Variants in MARCHF6 observed in about 807,000 individuals in gnomAD.
The protein encoded by MARCHF6 is E3 ubiquitin-protein ligase MARCHF6.
In MARCHF6, 31 loss-of-function variants were observed where a neutral mutation model predicts 133.7. That is an observed-to-expected ratio of 0.23 (90% confidence interval 0.17 to 0.31). MARCHF6 has a LOEUF of 0.31. MARCHF6 is among the 10% of genes least tolerant of loss of function. The pLI is 1.00. For missense variants in MARCHF6, 723 were observed against 1,121.6 expected (o/e 0.64, Z 5.08); for synonymous variants, 395 against 402.5 (o/e 0.98, Z 0.22).
intron 3 of MARCHF6, 117 bp from the exon 4 acceptor site, chr5:10,381,683 G>GA (rs1379078035): frequency 2.6e-6 from 2 of 759,798 alleles, no homozygotes; most frequent in Non-Finnish European, 4.0e-6. Context: ...TTTTAAATAG[G>GA]AAAAAAATTA....
intron 15 of MARCHF6, among the ~76,000 whole-genome samples, chr5:10,404,538 A>G (rs557432576): frequency 6.6e-6 from 1 of 152,342 alleles, no homozygotes; most frequent in East Asian, 1.9e-4. Flanking sequence ...GTGAGAAACA[A>G]AGGCACAATT....
chr5:10,440,113 C>T lies in MARCHF6; in HGVS notation c.*6429C>T, dbSNP rs1170237719. 6.6e-6 allele frequency: 1 copy of T among 152,116 alleles called. No individual in the cohort carries two copies. The highest frequency in any genetic ancestry group is 1.5e-5 in the Non-Finnish European group (1 of 68,030). The allele number at this position is 152,116 out of a possible 1,614,324, so 9.4% of individuals were successfully genotyped here. ...GTTGTTTATATTTGCATGTTGTTTC[C>T]CACTTGAATGTAAGCTCCAAAGATT... On this transcript the variant is annotated 3_prime_UTR_variant, in exon 26 of 26. Coordinates refer to ENST00000274140, the MANE Select transcript of MARCHF6 (RefSeq NM_005885.4).
At chr5:10,376,180 T>A (rs1346077937) in intron 1 of MARCHF6, among the ~76,000 whole-genome samples, 1 of 152,200 alleles carries the variant, frequency 6.6e-6, no homozygotes, top group Non-Finnish European at 1.5e-5. Context: ...ATCTTGCTAC[T>A]GCTCACTCTT....
rs566486882 is a variant in MARCHF6 at position 10,436,335 on chromosome 5, A to G, written c.*2651A>G. 1 of 152,282 alleles carries G rather than the reference A, an allele frequency of 6.6e-6. No individual in the cohort carries two copies. Among genetic ancestry groups the G allele is most frequent in the South Asian group, 2.1e-4 (1 of 4,818 alleles). The allele number at this position is 152,282 out of a possible 1,614,324, so 9.4% of individuals were successfully genotyped here. On this transcript the variant is annotated 3_prime_UTR_variant, in exon 26 of 26. Transcript: ENST00000274140. ...ACTTTATCGTGTTGTTTTCAATGAG[A>G]TAAGTATTTTCATAGGGAAAGCATT... is the stretch of plus-strand genomic sequence containing the variant.
chr5:10,363,248 G>A (rs1735932084), intron 1 of MARCHF6, among the ~76,000 whole-genome samples: 1 of 152,110 alleles, frequency 6.6e-6, no homozygotes, highest in Admixed American at 6.5e-5. Flanking sequence ...ACAGAATGAA[G>A]ACAGGATACA....
intron 1 of MARCHF6, among the ~76,000 whole-genome samples, chr5:10,371,022 C>T (rs1736434074): frequency 6.6e-6 from 1 of 152,152 alleles, no homozygotes; most frequent in Non-Finnish European, 1.5e-5. Context: ...ATGATAAGGT[C>T]AAAAGGAGAG....
At chr5:10,381,697 A>G (rs1737156632) in intron 3 of MARCHF6, 103 bp from the exon 4 acceptor site, 6 of 885,550 alleles carry the variant, frequency 6.8e-6, no homozygotes, top group Non-Finnish European at 8.4e-6. Flanking sequence ...AAAATTAAGC[A>G]CAAGGCAAAT....
At chr5:10,387,721 G>C (rs1356831721) in intron 5 of MARCHF6, among the ~76,000 whole-genome samples, 2 of 151,898 alleles carry the variant, frequency 1.3e-5, no homozygotes, top group Non-Finnish European at 2.9e-5. Context: ...CCTGGGGTAG[G>C]GTGCAGTGGT....
In MARCHF6 at chr5:10,353,881, G is replaced by A. The variant is rs754064479; in HGVS notation, c.-18G>A. ...GCGGGAGCCTCGTGGCTGCGTCACCGCCGCCCCCCCAGACAAGATGGACAC... is the reference window on the plus strand; with the variant it reads ...GCGGGAGCCTCGTGGCTGCGTCACCACCGCCCCCCCAGACAAGATGGACAC... On this transcript the variant is annotated 5_prime_UTR_variant, in exon 1 of 26. Coordinates refer to ENST00000274140, the MANE Select transcript of MARCHF6 (RefSeq NM_005885.4). 47 of 1,560,458 alleles carry A rather than the reference G, an allele frequency of 3.0e-5. No individual in the cohort carries two copies. Among genetic ancestry groups the A allele is most frequent in the Non-Finnish European group, 4.1e-5 (47 of 1,157,572 alleles).
intron 14 of MARCHF6, 123 bp from the exon 15 acceptor site, chr5:10,403,273 GACATTAAGTGA>G (rs1738657437): frequency 1.3e-6 from 1 of 753,504 alleles, no homozygotes; most frequent in African/African-American, 1.8e-5. Context: ...ACCGTGGAAT[GACATTAAGTGA>G]ACTGCAGTTC....
chr5:10,396,961 A>G (rs1738230219), intron 9 of MARCHF6, among the ~76,000 whole-genome samples: 1 of 152,224 alleles, frequency 6.6e-6, no homozygotes, highest in Non-Finnish European at 1.5e-5. Flanking sequence ...TCCATTTGAA[A>G]TTTTTAGTGT....
chr5:10,405,634 A>G lies in MARCHF6; in HGVS notation c.1409A>G (p.His470Arg). ...TTCAATCCAGTACAGGAAATGATCC[A>G]TTTGCCAATATATAGGCATCTCCGA... Reference protein sequence around the residue: ...PDFNPVQEMIHLPIYRHLRRF... With the variant: ...PDFNPVQEMIRLPIYRHLRRF... The change falls in exon 16 of 26, where the codon CAT becomes CGT. Residue 470 changes from histidine to arginine, a missense_variant. Coordinates refer to ENST00000274140, the MANE Select transcript of MARCHF6 (RefSeq NM_005885.4). 1 of 1,609,478 alleles carries G rather than the reference A, an allele frequency of 6.2e-7. No individual in the cohort carries two copies. The highest frequency in any genetic ancestry group is 8.5e-7 in the Non-Finnish European group (1 of 1,178,460).
At chr5:10,420,248 A>G (rs1023611102) in intron 22 of MARCHF6, among the ~76,000 whole-genome samples, 2 of 152,198 alleles carry the variant, frequency 1.3e-5, no homozygotes, top group African/African-American at 4.8e-5. Flanking sequence ...TTTTCAGTAC[A>G]TTTTACTGGG....
At chr5:10,377,743 C>A in intron 1 of MARCHF6, 55 bp from the exon 2 acceptor site, 2 of 1,318,122 alleles carry the variant, frequency 1.5e-6, no homozygotes, top group Non-Finnish European at 2.2e-6. Context: ...TTGTTTCTTG[C>A]TTTTTTAAAA....
intron 8 of MARCHF6, among the ~76,000 whole-genome samples, chr5:10,394,421 A>G (rs889679598): frequency 6.6e-6 from 1 of 152,216 alleles, no homozygotes; most frequent in Admixed American, 6.5e-5. Flanking sequence ...AAATTTAAGT[A>G]GTATTTTCAT....
chr5:10,418,476 A>G (rs745859675), intron 22 of MARCHF6, among the ~76,000 whole-genome samples: 27 of 152,028 alleles, frequency 1.8e-4, no homozygotes, highest in South Asian at 2.1e-4. Flanking sequence ...GAACTTTTCT[A>G]TTGTATTTAG....
At chr5:10,417,572 C>T in intron 22 of MARCHF6, 168 bp downstream of exon 22, 1 of 768,674 alleles carries the variant, frequency 1.3e-6, no homozygotes, top group Admixed American at 2.9e-5. Flanking sequence ...ATGGCAAGAC[C>T]TAGTCTCTAT....
chr5:10,388,080 A>G (rs1392602006), intron 5 of MARCHF6, among the ~76,000 whole-genome samples: 1 of 152,192 alleles, frequency 6.6e-6, no homozygotes, highest in Non-Finnish European at 1.5e-5. Context: ...TTACTTTACT[A>G]TATCTTGATA....
At chr5:10,431,872 C>T (rs540741771) in intron 25 of MARCHF6, among the ~76,000 whole-genome samples, 1 of 152,212 alleles carries the variant, frequency 6.6e-6, no homozygotes, top group Admixed American at 6.5e-5. Context: ...TACTGTGTGC[C>T]AGGTAGTGCT....
Sources: gnomAD v4.1 joint callset for allele counts (sites outside exome capture counted in the v4.1 genomes callset) on GRCh38, gnomAD v4.1.1 for gene constraint, MANE v1.5 for transcripts, NCBI Gene and HGNC (gene_info 2026-07-23, HGNC 2026-07-21) for gene names.